PGAP2: variants seen among roughly 807,000 people sequenced by gnomAD.
PGAP2 encodes acyltransferase PGAP2.
In PGAP2, 21 loss-of-function variants were observed where a neutral mutation model predicts 33.2. The ratio of observed to expected loss-of-function variants is 0.63; its 90% CI spans 0.45 to 0.91. PGAP2 has a LOEUF of 0.91. PGAP2 is among the 40% of genes least tolerant of loss of function. PGAP2 has a pLI of 0.00. For missense variants in PGAP2, 345 were observed against 424.0 expected (o/e 0.81, Z 1.64); for synonymous variants, 161 against 172.9 (o/e 0.93, Z 0.54).
chr11:3,825,073 C>T lies in PGAP2; in HGVS notation c.762C>T (p.Ser254=). Residue 254 remains serine, a synonymous_variant, in exon 6 of 7, where the codon TCC becomes TCT. Transcript: ENST00000278243. ...KQRLFIINFI[S]FFSALAVYFR... ...GGCTCTTCATCATCAACTTCATCTC[C>T]TTCTTCTCGGCGCTGGCTGTCTACT... The T allele has an allele frequency of 6.2e-7, 1 of 1,614,186 alleles. No individual in the cohort carries two copies. The highest frequency in any genetic ancestry group is 1.7e-5 in the Admixed American group (1 of 60,018).
upstream of PGAP2, chr11:3,808,038 T>C: frequency 7.1e-7 from 1 of 1,405,258 alleles, no homozygotes; most frequent in South Asian, 1.5e-5. Context: ...GGAACAGCTC[T>C]AGGCCAGAGT....
At chr11:3,818,042 G>A (rs1335504359) in intron 3 of PGAP2, 13 of 219,514 alleles carry the variant, frequency 5.9e-5, no homozygotes, top group Non-Finnish European at 3.6e-5. Flanking sequence ...GTAAAACCCT[G>A]TCTCAAAAAC....
chr11:3,822,226 T>C lies in PGAP2; in HGVS notation c.349-1657T>C, dbSNP rs1291835324. On this transcript the variant is annotated intron_variant, in intron 3 of 6. Coordinates refer to ENST00000278243, the MANE Select transcript of PGAP2 (RefSeq NM_014489.4). ...AAAAATACAAAAAATTAGCCGGGCG[T>C]GGTGACGGGCGCCTGTAGTCCCAGC... Among the ~76,000 whole-genome samples, 11 of 151,326 alleles carry C rather than the reference T, an allele frequency of 7.3e-5. 1 individual carries two copies. Among genetic ancestry groups the C allele is most frequent in the Admixed American group, 2.0e-4 (3 of 15,186 alleles).
At chr11:3,817,315 C>T (rs1244823381) in intron 2 of PGAP2, 38 bp from the exon 3 acceptor site, 3 of 1,557,686 alleles carry the variant, frequency 1.9e-6, no homozygotes, top group Admixed American at 1.8e-5. Context: ...ACCCAGGTGT[C>T]CTACCAGGCC....
At chr11:3,817,302 C>T in intron 2 of PGAP2, 51 bp from the exon 3 acceptor site, 1 of 1,483,558 alleles carries the variant, frequency 6.7e-7, no homozygotes, top group South Asian at 1.2e-5. Flanking sequence ...CCCACTTTCC[C>T]AGACCCAGGT....
At chr11:3,797,926 C>G in exon 1 of PGAP2, 1 of 1,547,886 alleles carries the variant, frequency 6.5e-7, no homozygotes, top group Non-Finnish European at 8.7e-7. Context: ...CTTGGAGCGC[C>G]GCGACTCGGG....
At chr11:3,807,064 G>A (rs548234423), upstream of PGAP2, among the ~76,000 whole-genome samples, 194 of 150,944 alleles carry the variant, frequency 1.3e-3, 2 homozygotes, top group Middle Eastern at 0.01. Context: ...GGCCAGGCGC[G>A]GTGGCTTACA....
At chr11:3,823,459 C>T (rs1032215959) in intron 3 of PGAP2, among the ~76,000 whole-genome samples, 1 of 152,174 alleles carries the variant, frequency 6.6e-6, no homozygotes, top group Non-Finnish European at 1.5e-5. Context: ...GTGAATCCAG[C>T]ACTGTTCTAA....
exon 1 of PGAP2, chr11:3,797,847 G>C: frequency 1.3e-6 from 2 of 1,550,510 alleles, no homozygotes; most frequent in Non-Finnish European, 1.7e-6. Context: ...CTTGTGAATG[G>C]CTAGATTGGG....
At chr11:3,822,093 A>T (rs4910845) in intron 3 of PGAP2, among the ~76,000 whole-genome samples, 1 of 151,406 alleles carries the variant, frequency 6.6e-6, no homozygotes, top group South Asian at 2.1e-4. Context: ...GGCCGGGCGC[A>T]GTGGCTCACG....
intron 3 of PGAP2, among the ~76,000 whole-genome samples, chr11:3,820,225 G>A (rs913561976): frequency 3.3e-5 from 5 of 152,184 alleles, no homozygotes; most frequent in Non-Finnish European, 7.3e-5. Flanking sequence ...AGACTTGGAG[G>A]TTCCTGCGTC....
upstream of PGAP2, among the ~76,000 whole-genome samples, chr11:3,806,130 T>C (rs571145888): frequency 3.9e-5 from 6 of 152,062 alleles, no homozygotes; most frequent in East Asian, 1.9e-4. Flanking sequence ...GGTTTGGGCA[T>C]TGGGGGTAGT....
At chr11:3,821,241 A>G (rs2088554884) in intron 3 of PGAP2, among the ~76,000 whole-genome samples, 2 of 152,212 alleles carry the variant, frequency 1.3e-5, no homozygotes, top group East Asian at 1.9e-4. Flanking sequence ...CGCCTGCAGC[A>G]TTGCTCACCT....
At chr11:3,821,379 G>A (rs2088588396) in intron 3 of PGAP2, among the ~76,000 whole-genome samples, 1 of 152,256 alleles carries the variant, frequency 6.6e-6, no homozygotes, top group African/African-American at 2.4e-5. Flanking sequence ...CTGGCACTGC[G>A]CTGGCCCTCG....
At chr11:3,824,224 T>C in intron 4 of PGAP2, 46 bp from the exon 5 acceptor site, 1 of 1,612,844 alleles carries the variant, frequency 6.2e-7, no homozygotes, top group Non-Finnish European at 8.5e-7. Flanking sequence ...TACTTCGTGG[T>C]GTGGGCACTC....
At chr11:3,805,927 C>T (rs1012408732), upstream of PGAP2, among the ~76,000 whole-genome samples, 5 of 151,768 alleles carry the variant, frequency 3.3e-5, no homozygotes, top group Admixed American at 2.0e-4. Flanking sequence ...CCTTGTGATC[C>T]GCCCACCTTG....
At chr11:3,804,329 G>C (rs2083969032), upstream of PGAP2, among the ~76,000 whole-genome samples, 1 of 152,126 alleles carries the variant, frequency 6.6e-6, no homozygotes, top group South Asian at 2.1e-4. Flanking sequence ...ATCTGAGTCA[G>C]AGTGAGGCTA....
chr11:3,808,372 C>T (rs565272926), upstream of PGAP2: 17 of 1,548,812 alleles, frequency 1.1e-5, no homozygotes, highest in East Asian at 3.9e-4. Context: ...CAGAGCTCTT[C>T]CGGCTGCCCT....
chr11:3,808,008 C>G, upstream of PGAP2: 1 of 1,335,198 alleles, frequency 7.5e-7, no homozygotes, highest in Non-Finnish European at 9.6e-7. Flanking sequence ...GGACAGGGCG[C>G]CCTCTCCTGA....
Sources: allele counts gnomAD v4.1 joint callset (sites outside exome capture counted in the v4.1 genomes callset), GRCh38; gene constraint gnomAD v4.1.1; transcripts MANE v1.5; gene names NCBI Gene and HGNC (gene_info 2026-07-23, HGNC 2026-07-21).